DOCK5: variants seen among roughly 807,000 people sequenced by gnomAD.
DOCK5 encodes dedicator of cytokinesis 5.
DOCK5 carries 142 observed loss-of-function variants against 251.8 expected under a neutral mutation model. That is an observed-to-expected ratio of 0.56 (90% CI 0.49 to 0.65). The LOEUF (loss-of-function observed/expected upper bound fraction) is 0.65, where lower values mean the gene tolerates loss of function less well. DOCK5 is among the 30% of genes least tolerant of loss of function. DOCK5 has a pLI of 0.00. For missense variants in DOCK5, 2,111 were observed against 2,312.3 expected, an observed-to-expected ratio of 0.91 and a Z score of 1.79; for synonymous variants, 842 against 835.5, an observed-to-expected ratio of 1.01 and a Z score of -0.13.
intron 26 of DOCK5, among the ~76,000 whole-genome samples, chr8:25,347,997 A>G (rs1356455443): frequency 6.6e-6 from 1 of 152,186 alleles, no homozygotes; most frequent in Non-Finnish European, 1.5e-5. Context: ...TGTTCCCTGT[A>G]ATGAGCAGAG....
chr8:25,208,368 A>G (rs189368891), intron 1 of DOCK5, among the ~76,000 whole-genome samples: 4 of 152,366 alleles, frequency 2.6e-5, no homozygotes, highest in East Asian at 1.9e-4. Context: ...ATGAAATGCT[A>G]TCAAATAGCA....
Position 25,364,619 on chromosome 8 carries a change from T to C in DOCK5, c.3045-7T>C, listed in dbSNP as rs1800743942. ...TGGCTTCTTTATCTGGTGTTTTCCTTCCGCAGGGTTTTTCTCCGTGCTATA... is the reference window on the plus strand; with the variant it reads ...TGGCTTCTTTATCTGGTGTTTTCCTCCCGCAGGGTTTTTCTCCGTGCTATA... On this transcript the variant is annotated splice_region_variant and splice_polypyrimidine_tract_variant and intron_variant, in intron 29 of 51. Transcript: ENST00000276440. 6.3e-7 allele frequency: 1 copy of C among 1,591,412 alleles called. No homozygotes were observed. Among genetic ancestry groups the C allele is most frequent in the South Asian group, 1.1e-5 (1 of 87,978 alleles).
rs550063997 is a variant in DOCK5 at position 25,374,759 on chromosome 8, A to C, written c.3816+105A>C. The C allele has an allele frequency of 6.2e-5, 99 of 1,604,540 alleles. No homozygotes were observed. The South Asian group carries it at 9.8e-4, about 16-fold the overall frequency. ...TGATGGGAAAGAACTTTATTCCAGGAATATCCTTTTATACAAGTTTTTTTA... is the reference window on the plus strand; with the variant it reads ...TGATGGGAAAGAACTTTATTCCAGGCATATCCTTTTATACAAGTTTTTTTA... On this transcript the variant is annotated intron_variant, in intron 37 of 51. Coordinates refer to ENST00000276440, the MANE Select transcript of DOCK5 (RefSeq NM_024940.8).
In DOCK5 at chr8:25,345,655, C is replaced by T. The variant is rs747409148; in HGVS notation, c.2754+44C>T. ...GATGCTGCACAGAGTTCACACTGTC[C>T]CCTTTGCACCAGACAGGAGTGACTC... On this transcript the variant is annotated intron_variant, in intron 26 of 51. Transcript: ENST00000276440. 1.9e-6 allele frequency: 3 copies of T among 1,604,832 alleles called. No homozygotes were observed. In the South Asian group the frequency reaches 3.3e-5, roughly 18 times the overall value.
At chr8:25,374,693 A>C (rs376664665) in intron 37 of DOCK5, 39 bp downstream of exon 37, 82 of 1,613,514 alleles carry the variant, frequency 5.1e-5, no homozygotes, top group Non-Finnish European at 6.8e-5. Context: ...AGGGTGGAGT[A>C]CAGTGTCCTT....
rs893876964 is a variant in DOCK5 at position 25,184,823 on chromosome 8, C to T, written c.-86C>T. 1.1e-5 allele frequency: 13 copies of T among 1,186,816 alleles called. No homozygotes were observed. Among genetic ancestry groups the T allele is most frequent in the African/African-American group, 8.0e-5 (5 of 62,670 alleles). The allele number at this position is 1,186,816 out of a possible 1,614,324, so 73.5% of individuals were successfully genotyped here. ...CGGAACATGGCGGAAGCGTCTGGGG[C>T]ACGCAGGAGCGCGGGGCGGCGGCGG... On this transcript the variant is annotated 5_prime_UTR_variant, in exon 1 of 52. Coordinates refer to ENST00000276440, the MANE Select transcript of DOCK5 (RefSeq NM_024940.8).
intron 11 of DOCK5, among the ~76,000 whole-genome samples, chr8:25,307,078 A>G (rs1333687321): frequency 6.6e-6 from 1 of 152,196 alleles, no homozygotes; most frequent in African/African-American, 2.4e-5. Flanking sequence ...TAAAACAGCT[A>G]TAATATCACT....
chr8:25,355,474 G>A (rs1194365430), intron 27 of DOCK5, among the ~76,000 whole-genome samples: 1 of 152,136 alleles, frequency 6.6e-6, no homozygotes. Flanking sequence ...TTTTGAGACA[G>A]GGTGTCACTC....
In DOCK5 at chr8:25,263,752, C is replaced by T. The variant is rs547139124; in HGVS notation, c.128-5093C>T. On this transcript the variant is annotated intron_variant, in intron 2 of 51. Coordinates refer to ENST00000276440, the MANE Select transcript of DOCK5 (RefSeq NM_024940.8). ...GGATGCCCACCTCGGTCCCCCTGGG[C>T]TCTGACATGCCATGCCAGTCTGGAC... 3.5e-4 allele frequency among the ~76,000 whole-genome samples: 53 copies of T among 151,920 alleles called. 2 individuals are homozygous for T. The highest frequency in any genetic ancestry group is 1.2e-3 in the African/African-American group (51 of 41,214).
In DOCK5 at chr8:25,296,437, G is replaced by A. The variant is rs1034253686; in HGVS notation, c.471-76G>A. 4.6e-6 allele frequency: 7 copies of A among 1,531,994 alleles called. No individual in the cohort carries two copies. In the Admixed American group the frequency reaches 1.4e-4, roughly 31 times the overall value. 94.9% of individuals were successfully genotyped at this position (1,531,994 alleles called of 1,614,324 possible). A position where few individuals can be genotyped will look rare whatever the true frequency, so the allele number is the denominator to read the frequency against. Reference sequence around the variant, plus strand: ...CCCTTTCTAACTATGGATCCTCTGGGCTCCTTGACAAGGACTCCTCAGTAA... The same window carrying A: ...CCCTTTCTAACTATGGATCCTCTGGACTCCTTGACAAGGACTCCTCAGTAA... On this transcript the variant is annotated intron_variant, in intron 6 of 51. Transcript: ENST00000276440.
chr8:25,318,518 T>G (rs1043822087), intron 14 of DOCK5, among the ~76,000 whole-genome samples: 1 of 47,054 alleles, frequency 2.1e-5, no homozygotes, highest in East Asian at 6.4e-4. Context: ...CCACTTCCCC[T>G]CCCCTCCCTT....
chr8:25,194,454 A>T (rs936621863), intron 1 of DOCK5, among the ~76,000 whole-genome samples: 3 of 151,866 alleles, frequency 2.0e-5, no homozygotes, highest in African/African-American at 7.3e-5. Flanking sequence ...CCCACCCTCC[A>T]TCCTCCCTGC....
At chr8:25,201,910 C>A (rs550594141) in intron 1 of DOCK5, among the ~76,000 whole-genome samples, 1 of 152,204 alleles carries the variant, frequency 6.6e-6, no homozygotes, top group South Asian at 2.1e-4. Context: ...CAGAACCTGT[C>A]CTCAAAGTTC....
chr8:25,340,928 G>T lies in DOCK5; in HGVS notation c.2379G>T (p.Gln793His), dbSNP rs752797751. Residue 793 changes from glutamine (Q) to histidine (H), a missense_variant, in exon 23 of 52, where the codon CAG becomes CAT. Transcript: ENST00000276440. ...ATGAGTTTAATAATTCAATTCGCCAGTTATTTCTTGCTTTCAATATGCTGA... is the reference window on the plus strand; with the variant it reads ...ATGAGTTTAATAATTCAATTCGCCATTTATTTCTTGCTTTCAATATGCTGA... ...DGDEFNNSIR[Q>H]LFLAFNMLMD... The T allele has an allele frequency of 6.2e-7, 1 of 1,613,676 alleles. No individual in the cohort carries two copies. The highest frequency in any genetic ancestry group is 8.5e-7 in the Non-Finnish European group (1 of 1,179,776).
intron 16 of DOCK5, among the ~76,000 whole-genome samples, chr8:25,322,755 CA>C (rs1805459977): frequency 6.6e-6 from 1 of 152,206 alleles, no homozygotes; most frequent in South Asian, 2.1e-4. Context: ...ACAAGGCTAG[CA>C]TATGACCAGG....
At position 25,319,896 on chromosome 8, in the gene DOCK5, G is replaced by A. The variant is rs183627240; in HGVS notation, c.1542+220G>A. On this transcript the variant is annotated intron_variant, in intron 15 of 51. Coordinates refer to ENST00000276440, the MANE Select transcript of DOCK5 (RefSeq NM_024940.8). ...GAGAATTTGAATAGCAAAGCTTGTGGTTGACGTGATGGATATAATAGACTG... is the reference window on the plus strand; with the variant it reads ...GAGAATTTGAATAGCAAAGCTTGTGATTGACGTGATGGATATAATAGACTG... Among the ~76,000 whole-genome samples, 206 of 152,328 alleles carry A rather than the reference G, an allele frequency of 1.4e-3. No homozygotes were observed. Among genetic ancestry groups the A allele is most frequent in the Non-Finnish European group, 2.5e-3 (168 of 68,034 alleles).
chr8:25,254,363 T>G (rs1432141294), intron 2 of DOCK5, among the ~76,000 whole-genome samples: 26 of 152,054 alleles, frequency 1.7e-4, no homozygotes. Context: ...GAAAACACAG[T>G]TATATGAAAG....
Position 25,211,713 on chromosome 8 carries a change from C to T in DOCK5, c.43+26762C>T, listed in dbSNP as rs1418847025. Among the ~76,000 whole-genome samples the T allele has an allele frequency of 1.0e-4, 7 of 69,368 alleles. 2 individuals are homozygous for T. The highest frequency in any genetic ancestry group is 6.3e-4 in the East Asian group (2 of 3,160). 45.5% of individuals were successfully genotyped at this position (69,368 alleles called of 152,430 possible). A position where few individuals can be genotyped will look rare whatever the true frequency, so the allele number is the denominator to read the frequency against. ...GTCCCAGCTACTCTGGAGGCTGAGG[C>T]GGGAGGATCGCTTGAGCCCAGGAGG... is the stretch of plus-strand genomic sequence containing the variant. On this transcript the variant is annotated intron_variant, in intron 1 of 51. Coordinates refer to ENST00000276440, the MANE Select transcript of DOCK5 (RefSeq NM_024940.8).
intron 1 of DOCK5, among the ~76,000 whole-genome samples, chr8:25,208,836 G>A (rs181883590): frequency 4.9e-4 from 74 of 152,258 alleles, no homozygotes; most frequent in African/African-American, 1.5e-3. Context: ...TCTGATTGAG[G>A]TTAAAATATG....
Sources: gnomAD v4.1 joint callset for allele counts (sites outside exome capture counted in the v4.1 genomes callset) on GRCh38, gnomAD v4.1.1 for gene constraint, MANE v1.5 for transcripts, NCBI Gene and HGNC (gene_info 2026-07-23, HGNC 2026-07-21) for gene names.